Variants in CEP85L observed in about 807,000 individuals in gnomAD.
CEP85L encodes centrosomal protein 85L.
A neutral mutation model predicts 100.3 loss-of-function variants in CEP85L; 60 were observed. The ratio of observed to expected loss-of-function variants is 0.60; its 90% CI spans 0.49 to 0.74. CEP85L has a LOEUF of 0.74. Among genes scored for constraint, CEP85L ranks in the 30% least tolerant of loss-of-function variants. The pLI is 0.00. For missense variants in CEP85L, 973 were observed against 936.2 expected, an observed-to-expected ratio of 1.04 and a Z score of -0.51; for synonymous variants, 319 against 322.7, an observed-to-expected ratio of 0.99 and a Z score of 0.12.
chr6:118,586,818 C>A (rs1251792135), intron 2 of CEP85L, among the ~76,000 whole-genome samples: 1 of 152,184 alleles, frequency 6.6e-6, no homozygotes, highest in Non-Finnish European at 1.5e-5. Context: ...ATTTACTACT[C>A]CAACCTTGCA....
At position 118,633,542 on chromosome 6, in the gene CEP85L, T is replaced by C. The variant is rs117625983; in HGVS notation, c.74-931A>G. ...TAATTTAAATACTTTTTAGCTAATT[T>C]AAGGTTTTTCAATGTTCTTTCAATG... On this transcript the variant is annotated intron_variant, in intron 1 of 12. Transcript: ENST00000368491. Among the ~76,000 whole-genome samples, 684 of 152,284 alleles carry C rather than the reference T, an allele frequency of 4.5e-3. 3 individuals carry two copies. Among genetic ancestry groups the C allele is most frequent in the Non-Finnish European group, 5.9e-3 (403 of 68,016 alleles).
chr6:118,591,613 T>C (rs1781195143), intron 2 of CEP85L, among the ~76,000 whole-genome samples: 2 of 152,260 alleles, frequency 1.3e-5, no homozygotes, highest in South Asian at 4.1e-4. Context: ...ACATAGGGTG[T>C]ACACGAAGTA....
chr6:118,520,942 T>C lies in CEP85L; in HGVS notation c.1139+2860A>G, dbSNP rs183105070. ...GGGGAGCATTTAGGAACAGTTTCTA[T>C]AGCAGTTATTTTTCCCATTTTCTCT... On this transcript the variant is annotated intron_variant, in intron 4 of 12. Coordinates refer to ENST00000368491, the MANE Select transcript of CEP85L (RefSeq NM_001042475.3). Among the ~76,000 whole-genome samples the C allele has an allele frequency of 3.9e-5, 6 of 152,340 alleles. No homozygotes were observed. The East Asian group carries it at 9.6e-4, about 24-fold the overall frequency.
At chr6:118,697,807 T>C (rs1031970135) in intron 1 of CEP85L, among the ~76,000 whole-genome samples, 17 of 133,722 alleles carry the variant, frequency 1.3e-4, no homozygotes, top group African/African-American at 4.7e-4. Flanking sequence ...GTAGATCAGA[T>C]AACATTCACT....
At chr6:118,708,062 G>T (rs1206421696) in intron 1 of CEP85L, among the ~76,000 whole-genome samples, 1 of 152,070 alleles carries the variant, frequency 6.6e-6, no homozygotes, top group Admixed American at 6.6e-5. Context: ...CTAACTCTTA[G>T]AGTTCAATCC....
chr6:118,497,333 C>T (rs1227923818), intron 5 of CEP85L, among the ~76,000 whole-genome samples: 2 of 152,114 alleles, frequency 1.3e-5, no homozygotes, highest in Non-Finnish European at 2.9e-5. Context: ...ATGATAGCGA[C>T]CAAAATGAGA....
chr6:118,573,058 G>A (rs765158068), intron 2 of CEP85L, among the ~76,000 whole-genome samples: 23 of 152,002 alleles, frequency 1.5e-4, no homozygotes, highest in East Asian at 7.7e-4. Context: ...GTGATACTCC[G>A]TCTCCAAAAA....
intron 2 of CEP85L, among the ~76,000 whole-genome samples, chr6:118,577,431 T>C (rs1780308485): frequency 6.6e-6 from 1 of 152,190 alleles, no homozygotes. Context: ...CCCTCACATT[T>C]ATATAGATGC....
chr6:118,682,077 C>T (rs111278142), intron 1 of CEP85L, among the ~76,000 whole-genome samples: 1 of 126,404 alleles, frequency 7.9e-6, no homozygotes, highest in East Asian at 2.0e-4. Context: ...GTTATAATTA[C>T]TTCTAATCAT....
At chr6:118,515,135 T>C (rs1190060942) in intron 4 of CEP85L, among the ~76,000 whole-genome samples, 1 of 152,068 alleles carries the variant, frequency 6.6e-6, no homozygotes, top group Non-Finnish European at 1.5e-5. Context: ...GCAGAGAATA[T>C]TGCCAGGGAC....
At chr6:118,576,957 T>C (rs1780274996) in intron 2 of CEP85L, among the ~76,000 whole-genome samples, 2 of 152,186 alleles carry the variant, frequency 1.3e-5, no homozygotes, top group East Asian at 3.9e-4. Context: ...AACTGTCCCC[T>C]TTCCACTTGA....
intron 3 of CEP85L, among the ~76,000 whole-genome samples, chr6:118,562,899 G>T (rs1464292685): frequency 6.6e-6 from 1 of 152,126 alleles, no homozygotes; most frequent in African/African-American, 2.4e-5. Flanking sequence ...AATCCAAATG[G>T]ATACTGCCGT....
At chr6:118,534,156 C>G (rs984421356) in intron 3 of CEP85L, among the ~76,000 whole-genome samples, 4 of 152,078 alleles carry the variant, frequency 2.6e-5, no homozygotes, top group Non-Finnish European at 5.9e-5. Context: ...CAATTAAAAA[C>G]CTACTAGAAC....
At chr6:118,540,052 C>CTTTT (rs72331980) in intron 3 of CEP85L, among the ~76,000 whole-genome samples, 1 of 138,840 alleles carries the variant, frequency 7.2e-6, no homozygotes, top group African/African-American at 2.6e-5. Context: ...ATGCCGATGT[C>CTTTT]TTTTTTTTTT....
chr6:118,669,930 A>G (rs1305899021), intron 1 of CEP85L, among the ~76,000 whole-genome samples: 1 of 149,806 alleles, frequency 6.7e-6, no homozygotes, highest in Non-Finnish European at 1.5e-5. Context: ...CTCATGTGTA[A>G]GAGGAAAGGA....
chr6:118,697,484 C>T (rs1777252348), intron 1 of CEP85L, among the ~76,000 whole-genome samples: 1 of 152,226 alleles, frequency 6.6e-6, no homozygotes, highest in Non-Finnish European at 1.5e-5. Context: ...GGATAATTTT[C>T]CTTCTCCACC....
At chr6:118,545,963 G>C (rs990674251) in intron 3 of CEP85L, among the ~76,000 whole-genome samples, 6 of 152,090 alleles carry the variant, frequency 3.9e-5, no homozygotes, top group Non-Finnish European at 2.9e-5. Flanking sequence ...AAACTATAGT[G>C]TAACTCCAAA....
chr6:118,484,638 A>T (rs1449283568), intron 6 of CEP85L, among the ~76,000 whole-genome samples: 2 of 152,226 alleles, frequency 1.3e-5, no homozygotes, highest in Non-Finnish European at 2.9e-5. Context: ...ACAGAAAAAA[A>T]GCCTTTGAAA....
intron 3 of CEP85L, among the ~76,000 whole-genome samples, chr6:118,558,066 G>A (rs11753886): frequency 0.23 from 34,916 of 151,540 alleles, 4,838 homozygotes; most frequent in Non-Finnish European, 0.32. Context: ...CTGGGCTCCA[G>A]CGATCCTCCC....
Sources: allele counts gnomAD v4.1 joint callset (sites outside exome capture counted in the v4.1 genomes callset), GRCh38; gene constraint gnomAD v4.1.1; transcripts MANE v1.5; gene names NCBI Gene and HGNC (gene_info 2026-07-23, HGNC 2026-07-21).